DMD: variants seen among roughly 807,000 people sequenced by gnomAD.
The protein encoded by DMD is mutant dystrophin.
A neutral mutation model predicts 330.1 loss-of-function variants in DMD; 63 were observed. The observed-to-expected ratio is 0.19, with a 90% CI of 0.16 to 0.24. The LOEUF is 0.24. Among genes scored for constraint, DMD ranks in the 10% least tolerant of loss-of-function variants. The pLI, the probability that DMD is intolerant of heterozygous loss-of-function variation, is 1.00. For synonymous variants in DMD, 1,223 were observed against 959.8 expected, an observed-to-expected ratio of 1.27 and a Z score of -5.07; for missense variants, 3,344 against 2,684.1, an observed-to-expected ratio of 1.25 and a Z score of -5.43.
In DMD at chrX:31,120,118, A is replaced by AACAG. The variant is rs997605851; in HGVS notation, c.*1797_*1800dup. ...GCTAATTACACTTGATGTCAGAGGT[A>AACAG]ACAGATTTGCAAAATTATAGGTCAC... is the stretch of plus-strand genomic sequence containing the variant. On this transcript the variant is annotated 3_prime_UTR_variant, in exon 79 of 79. Transcript: ENST00000357033. The AACAG allele has an allele frequency of 1.5e-4, 17 of 111,102 alleles. No individual in the cohort carries two copies. The highest frequency in any genetic ancestry group is 5.2e-4 in the African/African-American group (16 of 30,759). 9.2% of individuals were successfully genotyped at this position (111,102 alleles called of 1,213,427 possible).
At chrX:32,625,185 A>G (rs1371734380) in intron 11 of DMD, among the ~76,000 whole-genome samples, 2 of 111,514 alleles carry the variant, frequency 1.8e-5, no homozygotes, top group Non-Finnish European at 3.8e-5. Flanking sequence ...AACAAAAAAG[A>G]AAGAATGTAG....
At chrX:31,208,615 A>G (rs1217986745) in intron 65 of DMD, among the ~76,000 whole-genome samples, 1 of 112,026 alleles carries the variant, frequency 8.9e-6, no homozygotes, top group Non-Finnish European at 1.9e-5. Context: ...TCAAAATAAG[A>G]AAGAAAAAAA....
intron 47 of DMD, among the ~76,000 whole-genome samples, chrX:31,878,832 C>G (rs2094008668): frequency 8.9e-6 from 1 of 112,208 alleles, no homozygotes. Context: ...GGCAAAAATT[C>G]AAGTCTGCAG....
chrX:32,929,690 CT>C (rs756471827), intron 2 of DMD, among the ~76,000 whole-genome samples: 30 of 111,060 alleles, frequency 2.7e-4, no homozygotes, highest in Non-Finnish European at 5.1e-4. Context: ...TTAGGTATTT[CT>C]CCTAATGCTA....
At chrX:31,830,843 C>G (rs2093011266) in intron 49 of DMD, among the ~76,000 whole-genome samples, 1 of 111,546 alleles carries the variant, frequency 9.0e-6, no homozygotes, top group South Asian at 3.8e-4. Context: ...GTGTTTGAAA[C>G]AAGACAGAGA....
At chrX:32,871,641 T>C (rs2083005535) in intron 2 of DMD, among the ~76,000 whole-genome samples, 1 of 111,591 alleles carries the variant, frequency 9.0e-6, no homozygotes. Flanking sequence ...TTGTGTAAGA[T>C]ACAGTTTGAC....
intron 7 of DMD, among the ~76,000 whole-genome samples, chrX:32,797,751 T>C (rs1437034606): frequency 9.0e-6 from 1 of 111,469 alleles, no homozygotes; most frequent in Non-Finnish European, 1.9e-5. Context: ...TTGTCAATCA[T>C]TCAAAAATCA....
chrX:32,500,036 A>G lies in DMD; in HGVS notation c.2380+1719T>C, dbSNP rs137886029. Among the ~76,000 whole-genome samples the G allele has an allele frequency of 5.7e-3, 634 of 110,813 alleles. 1 individual carries two copies. The highest frequency in any genetic ancestry group is 0.019 in the African/African-American group (580 of 30,510). On this transcript the variant is annotated intron_variant, in intron 19 of 78. Coordinates refer to ENST00000357033, the MANE Select transcript of DMD (RefSeq NM_004006.3). ...TTATGGCCCAAACTTGAGCCTAATG[A>G]CGTATCAGTTCGACCATATCTTTAC...
intron 2 of DMD, among the ~76,000 whole-genome samples, chrX:33,009,284 ATG>A (rs1440249800): frequency 1.8e-5 from 1 of 55,904 alleles, no homozygotes; most frequent in African/African-American, 6.4e-5. Flanking sequence ...ACATATGTGT[ATG>A]TGTGTATATG....
At chrX:32,970,642 CTGATAA>C (rs1006311954) in intron 2 of DMD, among the ~76,000 whole-genome samples, 4 of 91,297 alleles carry the variant, frequency 4.4e-5, no homozygotes, top group Admixed American at 1.1e-4. Flanking sequence ...TCAAATAATA[CTGATAA>C]TGATAATGAT....
intron 44 of DMD, among the ~76,000 whole-genome samples, chrX:32,205,041 A>ACACACACC (rs1177814403): frequency 0.086 from 6,287 of 72,961 alleles, 409 homozygotes; most frequent in Non-Finnish European, 0.13. Context: ...ACACACACAC[A>ACACACACC]CCCACACACA....
At chrX:33,228,681 T>C (rs2052334934) in intron 1 of DMD, among the ~76,000 whole-genome samples, 1 of 108,767 alleles carries the variant, frequency 9.2e-6, no homozygotes, top group Non-Finnish European at 1.9e-5. Flanking sequence ...CTTCCACCTA[T>C]ATTCCCCATT....
At chrX:32,021,569 G>T (rs986924361) in intron 44 of DMD, among the ~76,000 whole-genome samples, 2 of 111,782 alleles carry the variant, frequency 1.8e-5, no homozygotes, top group Non-Finnish European at 3.8e-5. Context: ...TGTCCAACAC[G>T]GTAGCCATTA....
intron 48 of DMD, among the ~76,000 whole-genome samples, chrX:31,861,598 A>G (rs780244489): frequency 3.8e-5 from 4 of 105,022 alleles, no homozygotes; most frequent in Admixed American, 1.0e-4. Flanking sequence ...AAAAAAAAAA[A>G]AGAGACAGTT....
chrX:32,787,270 G>GAGAGAGAA (rs1557030829), intron 7 of DMD, among the ~76,000 whole-genome samples: 1 of 94,844 alleles, frequency 1.1e-5, no homozygotes, highest in African/African-American at 4.4e-5. Flanking sequence ...GAGAGAGAGA[G>GAGAGAGAA]AGAAAGAGAG....
intron 29 of DMD, among the ~76,000 whole-genome samples, chrX:32,430,889 T>G (rs1225554660): frequency 8.9e-6 from 1 of 111,866 alleles, no homozygotes; most frequent in East Asian, 2.8e-4. Context: ...ATGGTAGGAT[T>G]TGCTTATTTT....
chrX:33,227,401 T>C (rs1428697140), intron 1 of DMD, among the ~76,000 whole-genome samples: 1 of 111,237 alleles, frequency 9.0e-6, no homozygotes, highest in Non-Finnish European at 1.9e-5. Flanking sequence ...TAAGTTTTCA[T>C]CCTGATAAGG....
At chrX:32,808,331 C>T (rs751280760) in intron 7 of DMD, among the ~76,000 whole-genome samples, 4 of 112,412 alleles carry the variant, frequency 3.6e-5, no homozygotes, top group African/African-American at 1.3e-4. Flanking sequence ...TTCCCAAGTA[C>T]ATGTGCTTAT....
intron 1 of DMD, among the ~76,000 whole-genome samples, chrX:33,067,467 AT>A (rs2094682237): frequency 8.9e-6 from 1 of 112,629 alleles, no homozygotes; most frequent in African/African-American, 3.2e-5. Flanking sequence ...AAGGAAACAC[AT>A]TTTCATTCAT....
Sources: gnomAD v4.1 joint callset for allele counts (sites outside exome capture counted in the v4.1 genomes callset) on GRCh38, gnomAD v4.1.1 for gene constraint, MANE v1.5 for transcripts, NCBI Gene and HGNC (gene_info 2026-07-23, HGNC 2026-07-21) for gene names.